DPP10: variants seen among roughly 807,000 people sequenced by gnomAD.
DPP10 encodes dipeptidyl peptidase like 10.
A neutral mutation model predicts 120.9 loss-of-function variants in DPP10; 33 were observed. The observed-to-expected ratio is 0.27, with a 90% CI of 0.21 to 0.37. The LOEUF is 0.37. Ranked by LOEUF, DPP10 falls within the 10% of genes least tolerant of loss-of-function variation. The pLI is 1.00. For missense variants in DPP10, 816 were observed against 942.8 expected, an observed-to-expected ratio of 0.87 and a Z score of 1.76; for synonymous variants, 337 against 326.1, an observed-to-expected ratio of 1.03 and a Z score of -0.36.
chr2:115,798,842 T>C (rs2149954873), intron 19 of DPP10, among the ~76,000 whole-genome samples: 1 of 152,234 alleles, frequency 6.6e-6, no homozygotes, highest in East Asian at 1.9e-4. Flanking sequence ...TGGAGGGCAT[T>C]CTCTTATAGC....
At chr2:114,896,762 C>T (rs1693041414) in intron 1 of DPP10, among the ~76,000 whole-genome samples, 1 of 152,172 alleles carries the variant, frequency 6.6e-6, no homozygotes, top group Admixed American at 6.5e-5. Flanking sequence ...GCCAGAACTT[C>T]CAACACTATG....
chr2:114,627,374 T>C (rs778898613), intron 1 of DPP10, among the ~76,000 whole-genome samples: 15 of 152,132 alleles, frequency 9.9e-5, no homozygotes, highest in Non-Finnish European at 1.8e-4. Flanking sequence ...GCTTTTATCT[T>C]TCTCTTCTTT....
intron 1 of DPP10, among the ~76,000 whole-genome samples, chr2:115,198,100 T>G (rs2055419843): frequency 6.6e-6 from 1 of 152,214 alleles, no homozygotes; most frequent in Non-Finnish European, 1.5e-5. Context: ...AACTTAGTAA[T>G]CATATTAATC....
intron 3 of DPP10, among the ~76,000 whole-genome samples, chr2:115,436,035 A>T (rs2071462110): frequency 6.6e-6 from 1 of 151,874 alleles, no homozygotes; most frequent in African/African-American, 2.4e-5. Context: ...GACAGATGTT[A>T]TTGGGAGTGG....
intron 1 of DPP10, among the ~76,000 whole-genome samples, chr2:114,901,400 G>T (rs1334014785): frequency 2.0e-5 from 3 of 152,080 alleles, no homozygotes; most frequent in Admixed American, 6.6e-5. Flanking sequence ...GTTTCACCTT[G>T]TTAGCCAGGA....
At chr2:114,920,773 C>T (rs557881510) in intron 1 of DPP10, among the ~76,000 whole-genome samples, 1 of 152,086 alleles carries the variant, frequency 6.6e-6, no homozygotes, top group Non-Finnish European at 1.5e-5. Context: ...GGTTTTTCCA[C>T]TTTTATATTT....
intron 1 of DPP10, among the ~76,000 whole-genome samples, chr2:115,256,721 C>A (rs1346786447): frequency 6.6e-6 from 1 of 152,192 alleles, no homozygotes; most frequent in East Asian, 1.9e-4. Context: ...CTTCACAGCC[C>A]ACTTGGATTC....
rs1415954766 is a variant in DPP10 at position 115,060,549 on chromosome 2, G to A, written c.61-248690G>A. Among the ~76,000 whole-genome samples the A allele has an allele frequency of 3.3e-5, 5 of 152,172 alleles. No individual in the cohort carries two copies. The East Asian group carries it at 9.6e-4, about 29-fold the overall frequency. On this transcript the variant is annotated intron_variant, in intron 1 of 25. Transcript: ENST00000410059. ...CGAGACTGCAGTGAGCGGAGACTGT[G>A]CCACTGCATTCCAACCTGGGCAACA...
At chr2:115,659,221 C>T (rs1028844248) in intron 5 of DPP10, among the ~76,000 whole-genome samples, 1 of 152,108 alleles carries the variant, frequency 6.6e-6, no homozygotes, top group Non-Finnish European at 1.5e-5. Flanking sequence ...TACTTCCCAA[C>T]CTCCATAACC....
chr2:114,453,196 C>G (rs186775512), intron 1 of DPP10, among the ~76,000 whole-genome samples: 112 of 152,248 alleles, frequency 7.4e-4, no homozygotes, highest in Non-Finnish European at 1.5e-3. Flanking sequence ...TTGCACCACA[C>G]TGTGAAAAAT....
Position 115,338,345 on chromosome 2 carries a change from T to G in DPP10, c.176-5472T>G, listed in dbSNP as rs145278291. On this transcript the variant is annotated intron_variant, in intron 2 of 25. Transcript: ENST00000410059. ...ATATCAATGTGTTAAAGGAGAAAAA[T>G]ATGTTTATATAAAAGAGTCTGGAAA... Among the ~76,000 whole-genome samples, 660 of 152,136 alleles carry G rather than the reference T, an allele frequency of 4.3e-3. 2 individuals are homozygous for G. Among genetic ancestry groups the G allele is most frequent in the African/African-American group, 0.014 (585 of 41,508 alleles).
At chr2:115,177,788 G>C (rs1352152943) in intron 1 of DPP10, among the ~76,000 whole-genome samples, 1 of 109,468 alleles carries the variant, frequency 9.1e-6, no homozygotes, top group Non-Finnish European at 2.0e-5. Flanking sequence ...GTTTGAGACA[G>C]AGTCTTGCTC....
In DPP10 at chr2:115,054,818, A is replaced by G. The variant is rs1040259946; in HGVS notation, c.61-254421A>G. On this transcript the variant is annotated intron_variant, in intron 1 of 25. Transcript: ENST00000410059. ...TCCCAGCTACTAGGGAGGCTGAGGC[A>G]GGAGAATTGCTTGACCCTGGGAGAT... Among the ~76,000 whole-genome samples, 6 of 152,096 alleles carry G rather than the reference A, an allele frequency of 3.9e-5. No individual in the cohort carries two copies. The East Asian group carries it at 1.2e-3, about 29-fold the overall frequency.
intron 1 of DPP10, among the ~76,000 whole-genome samples, chr2:115,163,345 T>G (rs560780800): frequency 9.5e-4 from 145 of 152,300 alleles, no homozygotes; most frequent in African/African-American, 3.3e-3. Context: ...TTCCCTCCCC[T>G]TCTCTTTTCT....
intron 1 of DPP10, among the ~76,000 whole-genome samples, chr2:114,957,450 A>G (rs1698297113): frequency 6.6e-6 from 1 of 152,172 alleles, no homozygotes; most frequent in South Asian, 2.1e-4. Flanking sequence ...ACAACAGATA[A>G]GTGTTGAAGA....
intron 1 of DPP10, among the ~76,000 whole-genome samples, chr2:115,044,255 C>A (rs1308959480): frequency 6.6e-6 from 1 of 152,002 alleles, no homozygotes; most frequent in Non-Finnish European, 1.5e-5. Context: ...AACTTACAAT[C>A]ATTGTAGAAG....
intron 17 of DPP10, among the ~76,000 whole-genome samples, chr2:115,787,247 T>C (rs140642333): frequency 9.9e-4 from 151 of 152,178 alleles, no homozygotes; most frequent in African/African-American, 3.6e-3. Flanking sequence ...GTGAAGAAAG[T>C]AGAAAATATT....
intron 5 of DPP10, among the ~76,000 whole-genome samples, chr2:115,540,719 A>G (rs2079125283): frequency 6.6e-6 from 1 of 151,854 alleles, no homozygotes; most frequent in South Asian, 2.1e-4. Context: ...TTTCTGGATA[A>G]AAAAATTCTG....
chr2:115,258,349 G>A (rs1333954894), intron 1 of DPP10, among the ~76,000 whole-genome samples: 1 of 151,934 alleles, frequency 6.6e-6, no homozygotes, highest in African/African-American at 2.4e-5. Flanking sequence ...GCTGAAATAG[G>A]TACCATTCCT....
Sources: allele counts gnomAD v4.1 joint callset (sites outside exome capture counted in the v4.1 genomes callset), GRCh38; gene constraint gnomAD v4.1.1; transcripts MANE v1.5; gene names NCBI Gene and HGNC (gene_info 2026-07-23, HGNC 2026-07-21).